The following SPEF2 variants were observed in gnomAD, a reference collection of about 807,000 sequenced individuals.
SPEF2 encodes sperm flagella and cilia-associated protein 2.
Under a neutral mutation model 224.6 loss-of-function variants are expected in SPEF2, and 187 were observed. The observed-to-expected ratio is 0.83, with a 90% CI of 0.74 to 0.94. The LOEUF (loss-of-function observed/expected upper bound fraction) is 0.94, where lower values mean the gene tolerates loss of function less well. Among genes scored for constraint, SPEF2 ranks in the 40% least tolerant of loss-of-function variants. SPEF2 has a pLI of 0.00. For synonymous variants in SPEF2, 715 were observed against 707.3 expected, an observed-to-expected ratio of 1.01 and a Z score of -0.17; for missense variants, 2,170 against 2,135.6, an observed-to-expected ratio of 1.02 and a Z score of -0.32.
intron 30 of SPEF2, chr5:35,790,034 C>T (rs1480667970): frequency 1.4e-6 from 1 of 702,160 alleles, no homozygotes; most frequent in Non-Finnish European, 2.6e-6. Flanking sequence ...GATTTCAGAA[C>T]ATTCGAAAAT....
intron 19 of SPEF2, chr5:35,709,859 TC>T: frequency 2.0e-6 from 2 of 985,420 alleles, no homozygotes; most frequent in Non-Finnish European, 2.4e-6. Flanking sequence ...GGCTCTGGTT[TC>T]TAGTTTCAGC....
At chr5:35,659,730 CT>C (rs922263765) in intron 8 of SPEF2, among the ~76,000 whole-genome samples, 3 of 150,782 alleles carry the variant, frequency 2.0e-5, no homozygotes, top group South Asian at 2.1e-4. Context: ...TGAGTCATTA[CT>C]TTTTTTTTAG....
intron 6 of SPEF2, among the ~76,000 whole-genome samples, chr5:35,652,198 TG>T (rs1195554694): frequency 6.6e-6 from 1 of 152,172 alleles, no homozygotes; most frequent in East Asian, 1.9e-4. Flanking sequence ...AAGTACATAA[TG>T]TGTAGTTTTT....
In SPEF2 at chr5:35,646,724, A is replaced by C. The variant is rs746086485; in HGVS notation, c.643A>C (p.Ile215Leu). 3.1e-6 allele frequency: 5 copies of C among 1,614,038 alleles called. No homozygotes were observed. Among genetic ancestry groups the C allele is most frequent in the Non-Finnish European group, 4.2e-6 (5 of 1,179,950 alleles). ...AATGGCCAAAATCCAAGCAGCTATTATACAGATTCCTAAACCTGCATCAAA... is the reference window on the plus strand; with the variant it reads ...AATGGCCAAAATCCAAGCAGCTATTCTACAGATTCCTAAACCTGCATCAAA... ...EIMAKIQAAI[I>L]QIPKPASNRT... Residue 215 changes from isoleucine (I) to leucine (L), a missense_variant, in exon 5 of 37, where the codon ATA becomes CTA. By Grantham distance (5) the Ile-to-Leu change is conservative. Coordinates refer to ENST00000356031, the MANE Select transcript of SPEF2 (RefSeq NM_024867.4).
chr5:35,789,733 T>TA lies in SPEF2; in HGVS notation c.4448-2606dup. On this transcript the variant is annotated intron_variant, in intron 30 of 36. Coordinates refer to ENST00000356031, the MANE Select transcript of SPEF2 (RefSeq NM_024867.4). ...AATCTATATGTGCTGACTTTGAACC[T>TA]ATTATTCTCCCATGGTCTGTGTGAG... The TA allele has an allele frequency of 5.9e-6, 4 of 681,526 alleles. No individual in the cohort carries two copies. The South Asian group carries it at 6.3e-5, about 11-fold the overall frequency. The allele number at this position is 681,526 out of a possible 1,614,324, so 42.2% of individuals were successfully genotyped here. A position where few individuals can be genotyped will look rare whatever the true frequency, so the allele number is the denominator to read the frequency against.
At chr5:35,691,915 T>G (rs980217105) in intron 11 of SPEF2, among the ~76,000 whole-genome samples, 1 of 151,994 alleles carries the variant, frequency 6.6e-6, no homozygotes, top group Non-Finnish European at 1.5e-5. Flanking sequence ...TTCTTCTGCC[T>G]CAGCCTCCTG....
intron 30 of SPEF2, 110 bp downstream of exon 30, chr5:35,779,456 A>T (rs1042562888): frequency 9.3e-6 from 7 of 750,666 alleles, no homozygotes; most frequent in South Asian, 9.3e-5. Context: ...TGTGGCACTA[A>T]AACATGCCCT....
intron 10 of SPEF2, among the ~76,000 whole-genome samples, chr5:35,677,964 G>A (rs1027692168): frequency 2.0e-5 from 3 of 152,204 alleles, no homozygotes; most frequent in African/African-American, 7.2e-5. Flanking sequence ...TATGTGACAA[G>A]CTGGAGTGAT....
intron 23 of SPEF2, among the ~76,000 whole-genome samples, chr5:35,744,588 G>A (rs1748174669): frequency 6.6e-6 from 1 of 152,090 alleles, no homozygotes; most frequent in Admixed American, 6.5e-5. Context: ...TAGAATCAAG[G>A]TCTCCAGAGC....
chr5:35,628,816 T>C (rs1744652109), intron 2 of SPEF2, among the ~76,000 whole-genome samples: 1 of 152,070 alleles, frequency 6.6e-6, no homozygotes, highest in Admixed American at 6.5e-5. Flanking sequence ...GGTCTTGAAC[T>C]CCTGGGCTCA....
At chr5:35,635,767 T>G (rs1033927893) in intron 2 of SPEF2, among the ~76,000 whole-genome samples, 5 of 152,198 alleles carry the variant, frequency 3.3e-5, no homozygotes, top group Non-Finnish European at 5.9e-5. Context: ...TATTTTCACA[T>G]TGAAAATTCG....
At chr5:35,709,834 A>G (rs1236205291) in intron 19 of SPEF2, 14 of 985,246 alleles carry the variant, frequency 1.4e-5, no homozygotes, top group Non-Finnish European at 1.6e-5. Context: ...TTGTGTGTGT[A>G]TATAAAACAA....
chr5:35,647,975 G>C (rs187406234), intron 5 of SPEF2, among the ~76,000 whole-genome samples: 273 of 152,304 alleles, frequency 1.8e-3, no homozygotes, highest in Non-Finnish European at 2.9e-3. Context: ...CTGCTACAAT[G>C]ATTGTTTATA....
chr5:35,702,288 G>T, intron 16 of SPEF2: 1 of 456,150 alleles, frequency 2.2e-6, no homozygotes, highest in Non-Finnish European at 4.4e-6. Context: ...AAAGCCACGT[G>T]GGCTACAAAG....
chr5:35,649,059 C>A (rs960515557), intron 5 of SPEF2, among the ~76,000 whole-genome samples: 6 of 151,286 alleles, frequency 4.0e-5, no homozygotes, highest in African/African-American at 1.5e-4. Context: ...TATTTGTATC[C>A]AAAAATGTAT....
At position 35,807,917 on chromosome 5, in the gene SPEF2, G is replaced by A. The variant is rs773984579; in HGVS notation, c.5379+664G>A. 591 of 1,430,152 alleles carry A rather than the reference G, an allele frequency of 4.1e-4. 1 individual carries two copies. Among genetic ancestry groups the A allele is most frequent in the Non-Finnish European group, 5.3e-4 (577 of 1,095,760 alleles). 88.6% of individuals were successfully genotyped at this position (1,430,152 alleles called of 1,614,324 possible). ...GCTGACACCAACCCCCTTTCATACT[G>A]TAGCACTACATCCCTCTCAGATACC... On this transcript the variant is annotated intron_variant, in intron 36 of 36. Transcript: ENST00000356031.
intron 10 of SPEF2, among the ~76,000 whole-genome samples, chr5:35,672,715 C>CGAACATT (rs1751357018): frequency 6.6e-6 from 1 of 151,718 alleles, no homozygotes; most frequent in African/African-American, 2.4e-5. Context: ...TTATAATGAA[C>CGAACATT]ATTATGTTCA....
At chr5:35,742,110 A>G (rs111433163) in intron 23 of SPEF2, among the ~76,000 whole-genome samples, 1 of 152,200 alleles carries the variant, frequency 6.6e-6, no homozygotes, top group Non-Finnish European at 1.5e-5. Context: ...TTTTTAAGTC[A>G]ATAGAACATG....
chr5:35,662,449 A>G lies in SPEF2; in HGVS notation c.1167+3242A>G, dbSNP rs149185634. ...TAGTTTAATTAGATCCCATTTGTCA[A>G]TTTTTGCTTTTGTTGCAATTGCTTT... On this transcript the variant is annotated intron_variant, in intron 8 of 36. Coordinates refer to ENST00000356031, the MANE Select transcript of SPEF2 (RefSeq NM_024867.4). Among the ~76,000 whole-genome samples the G allele has an allele frequency of 1.1e-3, 164 of 152,046 alleles. No individual in the cohort carries two copies. In the East Asian group the frequency reaches 0.012, roughly 11 times the overall value.
Sources: gnomAD v4.1 joint callset for allele counts (sites outside exome capture counted in the v4.1 genomes callset) on GRCh38, gnomAD v4.1.1 for gene constraint, MANE v1.5 for transcripts, NCBI Gene and HGNC (gene_info 2026-07-23, HGNC 2026-07-21) for gene names.